NTM: variants seen among roughly 807,000 people sequenced by gnomAD.
NTM encodes neurotrimin.
A neutral mutation model predicts 42.1 loss-of-function variants in NTM; 13 were observed. That is an observed-to-expected ratio of 0.31 (90% CI 0.20 to 0.49). The LOEUF (loss-of-function observed/expected upper bound fraction) is 0.49, where lower values mean the gene tolerates loss of function less well. NTM is among the 20% of genes least tolerant of loss of function. The pLI is 0.99. For synonymous variants in NTM, 187 were observed against 179.2 expected, an observed-to-expected ratio of 1.04 and a Z score of -0.35; for missense variants, 373 against 452.8, an observed-to-expected ratio of 0.82 and a Z score of 1.60.
chr11:131,633,655 C>CCG (rs2063930138), intron 1 of NTM, among the ~76,000 whole-genome samples: 1 of 143,872 alleles, frequency 7.0e-6, no homozygotes, highest in South Asian at 2.4e-4. Flanking sequence ...CCCTCTCTCT[C>CCG]CCTCTCTCTC....
At chr11:132,296,847 A>G (rs2094629321) in intron 4 of NTM, among the ~76,000 whole-genome samples, 1 of 152,252 alleles carries the variant, frequency 6.6e-6, no homozygotes, top group Admixed American at 6.5e-5. Context: ...AGGCATTCAA[A>G]AGTAAGTGGG....
At chr11:131,656,281 A>G (rs770583432) in intron 1 of NTM, among the ~76,000 whole-genome samples, 3 of 152,240 alleles carry the variant, frequency 2.0e-5, no homozygotes, top group African/African-American at 4.8e-5. Flanking sequence ...GGGTGGCTGG[A>G]GAAAAGATTT....
At chr11:131,795,884 T>G (rs1386205811) in intron 1 of NTM, 3 of 981,748 alleles carry the variant, frequency 3.1e-6, no homozygotes, top group Non-Finnish European at 3.6e-6. Flanking sequence ...ACCGCCTGCC[T>G]TGTCTAGTGT....
chr11:132,176,008 A>G (rs921354387), intron 3 of NTM, among the ~76,000 whole-genome samples: 37 of 151,490 alleles, frequency 2.4e-4, no homozygotes, highest in Non-Finnish European at 1.8e-4. Context: ...TGTTTGTTTT[A>G]TTTCTGAATG....
chr11:131,890,191 T>TCA (rs1402953993), intron 1 of NTM, among the ~76,000 whole-genome samples: 9 of 150,646 alleles, frequency 6.0e-5, no homozygotes, highest in African/African-American at 9.8e-5. Context: ...TCTCTCTCTC[T>TCA]CTCACACACA....
intron 3 of NTM, among the ~76,000 whole-genome samples, chr11:132,174,717 C>T (rs868022749): frequency 2.0e-5 from 3 of 151,752 alleles, no homozygotes; most frequent in East Asian, 1.9e-4. Flanking sequence ...TTTGCTTCCT[C>T]GACGGCTGGG....
At chr11:131,874,041 ATATATAT>A (rs1565659605) in intron 1 of NTM, among the ~76,000 whole-genome samples, 933 of 26,214 alleles carry the variant, frequency 0.036, 46 homozygotes, top group African/African-American at 0.1. Flanking sequence ...ATATATATAT[ATATATAT>A]ATATATATAT....
chr11:131,443,020 T>C (rs1949750042), intron 1 of NTM, among the ~76,000 whole-genome samples: 1 of 152,188 alleles, frequency 6.6e-6, no homozygotes, highest in Non-Finnish European at 1.5e-5. Context: ...CTGGGTTGAA[T>C]GGTAGTTCTA....
At chr11:131,955,295 TGGAA>T (rs1227301200) in intron 2 of NTM, among the ~76,000 whole-genome samples, 2 of 152,108 alleles carry the variant, frequency 1.3e-5, no homozygotes, top group African/African-American at 4.8e-5. Flanking sequence ...CTGCGTTGCC[TGGAA>T]TAGTAATGAG....
intron 1 of NTM, among the ~76,000 whole-genome samples, chr11:131,387,970 A>G (rs1188553076): frequency 3.3e-5 from 5 of 152,226 alleles, no homozygotes; most frequent in Admixed American, 6.5e-5. Context: ...GTGGTCTCCA[A>G]ATCAGAAAGT....
At chr11:132,111,030 C>A (rs2063101405) in intron 2 of NTM, among the ~76,000 whole-genome samples, 1 of 119,944 alleles carries the variant, frequency 8.3e-6, no homozygotes, top group African/African-American at 3.2e-5. Context: ...TGCCACTGCA[C>A]ACAAGCCTGG....
chr11:132,330,248 T>G, intron 8 of NTM, 63 bp downstream of exon 8: 1 of 1,523,940 alleles, frequency 6.6e-7, no homozygotes. Context: ...ACTCTTCACC[T>G]TCCTCCCAGA....
intron 2 of NTM, among the ~76,000 whole-genome samples, chr11:132,091,451 G>A (rs118122149): frequency 0.029 from 4,401 of 151,886 alleles, 88 homozygotes; most frequent in Middle Eastern, 0.11. Context: ...TCTTTTCATA[G>A]TTGACTATAT....
intron 2 of NTM, among the ~76,000 whole-genome samples, chr11:131,946,421 T>C (rs1286578451): frequency 2.0e-5 from 3 of 152,186 alleles, no homozygotes; most frequent in Non-Finnish European, 4.4e-5. Context: ...ATAGGCCATT[T>C]CCTGATCTTT....
chr11:132,164,731 A>G (rs1047038989), intron 3 of NTM, among the ~76,000 whole-genome samples: 2 of 152,180 alleles, frequency 1.3e-5, no homozygotes, highest in African/African-American at 4.8e-5. Context: ...TCACTAAGAC[A>G]GATGTGAAGA....
At chr11:131,860,701 C>A (rs1027974734) in intron 1 of NTM, among the ~76,000 whole-genome samples, 8 of 152,210 alleles carry the variant, frequency 5.3e-5, no homozygotes, top group African/African-American at 1.9e-4. Context: ...ACCATGCAAG[C>A]AGGCCTTTCT....
intron 3 of NTM, among the ~76,000 whole-genome samples, chr11:132,186,558 G>A (rs180995724): frequency 8.7e-4 from 132 of 152,258 alleles, no homozygotes; most frequent in African/African-American, 2.8e-3. Context: ...GCTTTAGACA[G>A]CCTGCTTTTT....
At chr11:131,599,804 G>T (rs186770854) in intron 1 of NTM, among the ~76,000 whole-genome samples, 22 of 152,322 alleles carry the variant, frequency 1.4e-4, no homozygotes, top group African/African-American at 4.6e-4. Flanking sequence ...AGTCAAGTCT[G>T]CAGCTGACCC....
chr11:131,371,251 T>C (rs1173000607), intron 1 of NTM, among the ~76,000 whole-genome samples: 14 of 152,198 alleles, frequency 9.2e-5, no homozygotes, highest in Admixed American at 9.2e-4. Context: ...GGGTTGCTAA[T>C]GTGTTGCTTA....
Sources: allele counts gnomAD v4.1 joint callset (sites outside exome capture counted in the v4.1 genomes callset), GRCh38; gene constraint gnomAD v4.1.1; transcripts MANE v1.5; gene names NCBI Gene and HGNC (gene_info 2026-07-23, HGNC 2026-07-21).